Variants in VGF observed in about 807,000 individuals in gnomAD.
The protein encoded by VGF is neurosecretory protein VGF.
A neutral mutation model predicts 41.1 loss-of-function variants in VGF; 13 were observed. That is an observed-to-expected ratio of 0.32 (90% CI 0.21 to 0.50). The LOEUF is 0.50. VGF is among the 20% of genes least tolerant of loss of function. The probability of loss-of-function intolerance (pLI) is 0.98; values close to 1 mark genes in which losing one functional copy is unlikely to be tolerated. For synonymous variants in VGF, 473 were observed against 418.3 expected, an observed-to-expected ratio of 1.13 and a Z score of -1.60; for missense variants, 920 against 882.1, an observed-to-expected ratio of 1.04 and a Z score of -0.54.
chr7:101,165,066 G>A, intron 1 of VGF: 1 of 1,264,854 alleles, frequency 7.9e-7, no homozygotes, highest in Non-Finnish European at 9.9e-7. Context: ...AATAACCCCC[G>A]AAGCCCTCGC....
rs1584209145 is a variant in VGF at position 101,162,848 on chromosome 7, C to A, written c.*148G>T. 1.0e-5 allele frequency: 7 copies of A among 676,830 alleles called. No individual in the cohort carries two copies. Among genetic ancestry groups the A allele is most frequent in the African/African-American group, 5.4e-5 (3 of 55,132 alleles). 41.9% of individuals were successfully genotyped at this position (676,830 alleles called of 1,614,324 possible). A position where few individuals can be genotyped will look rare whatever the true frequency, so the allele number is the denominator to read the frequency against. On this transcript the variant is annotated 3_prime_UTR_variant, in exon 2 of 2. Transcript: ENST00000249330. The surrounding 1 kb of genome is among the most constrained non-coding windows in gnomAD (Gnocchi z 4.2). Reference sequence around the variant, plus strand: ...CTCAGGACCCGGGAGGGGGGTCTGGCAGGTCCCGACGCAGCCCGGGGACAG... The same window carrying A: ...CTCAGGACCCGGGAGGGGGGTCTGGAAGGTCCCGACGCAGCCCGGGGACAG...
upstream of VGF, among the ~76,000 whole-genome samples, chr7:101,166,470 G>A (rs1030715561): frequency 1.3e-5 from 2 of 150,600 alleles, no homozygotes; most frequent in Non-Finnish European, 3.0e-5. Flanking sequence ...CCCCAAGGAC[G>A]TTTGGAGGGC....
upstream of VGF, among the ~76,000 whole-genome samples, chr7:101,166,760 C>T (rs1031187142): frequency 1.0e-5 from 1 of 99,894 alleles, no homozygotes; most frequent in Non-Finnish European, 2.0e-5. Flanking sequence ...GAAGGGAGAC[C>T]AGCCGTGGGC....
intron 1 of VGF, chr7:101,165,173 C>G: frequency 9.5e-7 from 1 of 1,056,128 alleles, no homozygotes; most frequent in Non-Finnish European, 1.1e-6. Flanking sequence ...AATCTCTGCT[C>G]CCTCCCCGTA....
chr7:101,165,827 AG>A (rs2116711428), upstream of VGF, among the ~76,000 whole-genome samples: 1 of 152,306 alleles, frequency 6.6e-6, no homozygotes, highest in South Asian at 2.1e-4. Context: ...TGAAGCGGGC[AG>A]GGCGGGGGGC....
In VGF at chr7:101,163,949, G is replaced by T. The variant is rs116131136; in HGVS notation, c.895C>A (p.Gln299Lys). Residue 299 changes from glutamine (Q) to lysine (K), a missense_variant, in exon 2 of 2, where the codon CAA becomes AAA. By Grantham distance (53) the Gln-to-Lys change is moderately conservative. Coordinates refer to ENST00000249330, the MANE Select transcript of VGF (RefSeq NM_003378.4). This position sits in a 1 kb window ranked among gnomAD's most constrained non-coding sequence, Gnocchi z 5.0. ...CCGGCCTCCACCTGCGCCAGCCCTTGCTGGAGAAGGCGCTCGCCCGCCTCG... is the reference window on the plus strand; with the variant it reads ...CCGGCCTCCACCTGCGCCAGCCCTTTCTGGAGAAGGCGCTCGCCCGCCTCG... ...GSEAGERLLQQGLAQVEAGRR... is the reference protein window; with the variant it reads ...GSEAGERLLQKGLAQVEAGRR... The T allele has an allele frequency of 4.3e-3, 6,224 of 1,457,512 alleles. 631 individuals are homozygous for T. The Admixed American group carries it at 0.16, about 37-fold the overall frequency. The allele number at this position is 1,457,512 out of a possible 1,614,324, so 90.3% of individuals were successfully genotyped here.
chr7:101,168,261 G>C (rs543924345), upstream of VGF, among the ~76,000 whole-genome samples: 4 of 152,250 alleles, frequency 2.6e-5, no homozygotes, highest in South Asian at 8.3e-4. Flanking sequence ...GTCCTGTCGT[G>C]AGGGAGCGGG....
At chr7:101,168,316 A>G (rs115866220), upstream of VGF, among the ~76,000 whole-genome samples, 75 of 151,988 alleles carry the variant, frequency 4.9e-4, no homozygotes, top group African/African-American at 1.7e-3. Context: ...AGATTCCACA[A>G]TCTGGGTCTT....
At chr7:101,166,429 C>T (rs1210008042), upstream of VGF, among the ~76,000 whole-genome samples, 3 of 152,042 alleles carry the variant, frequency 2.0e-5, no homozygotes, top group East Asian at 5.8e-4. Flanking sequence ...CCCACACTCC[C>T]CCAGTCGCTT....
At position 101,162,895 on chromosome 7, in the gene VGF, C is replaced by T. The variant is rs756747525; in HGVS notation, c.*101G>A. 3.4e-5 allele frequency: 24 copies of T among 698,998 alleles called. No homozygotes were observed. Among genetic ancestry groups the T allele is most frequent in the African/African-American group, 1.3e-4 (7 of 52,420 alleles). The allele number at this position is 698,998 out of a possible 1,614,324, so 43.3% of individuals were successfully genotyped here. A position where few individuals can be genotyped will look rare whatever the true frequency, so the allele number is the denominator to read the frequency against. ...ACAGGGGCAGGGCCAAGGGGCAGGGCCGGGGCGCATGCAAACACCGAGGGG... is the reference window on the plus strand; with the variant it reads ...ACAGGGGCAGGGCCAAGGGGCAGGGTCGGGGCGCATGCAAACACCGAGGGG... On this transcript the variant is annotated 3_prime_UTR_variant, in exon 2 of 2. Coordinates refer to ENST00000249330, the MANE Select transcript of VGF (RefSeq NM_003378.4). The surrounding 1 kb of genome is among the most constrained non-coding windows in gnomAD (Gnocchi z 4.2).
Position 101,163,780 on chromosome 7 carries a change from G to A in VGF, c.1064C>T (p.Ala355Val), listed in dbSNP as rs1282814505. 9.2e-6 allele frequency: 14 copies of A among 1,529,498 alleles called. No individual in the cohort carries two copies. The highest frequency in any genetic ancestry group is 1.2e-5 in the Non-Finnish European group (14 of 1,142,100). The allele number at this position is 1,529,498 out of a possible 1,614,324, so 94.7% of individuals were successfully genotyped here. The change falls in exon 2 of 2, where the codon GCG (alanine) becomes GTG (valine). Residue 355 changes from alanine to valine, a missense_variant. By Grantham distance (64) the Ala-to-Val change is moderately conservative (BLOSUM62 0). This residue lies in a region of VGF where 654 missense variants were observed against 638.4 expected (regional missense o/e 1.02). Transcript: ENST00000249330. This position sits in a 1 kb window ranked among gnomAD's most constrained non-coding sequence, Gnocchi z 5.0. ...GLGGRGLQEAAEERESAREEE... is the reference protein window; with the variant it reads ...GLGGRGLQEAVEERESAREEE... ...CTCCCTTGCACTCTCTCGCTCCTCC[G>A]CCGCCTCCTGCAGCCCCCGACCCCC...
Position 101,162,690 on chromosome 7 carries a change from C to T in VGF, c.*306G>A, listed in dbSNP as rs1797125755. The T allele has an allele frequency of 7.3e-5, 37 of 507,846 alleles. No individual in the cohort carries two copies. The highest frequency in any genetic ancestry group is 6.1e-4 in the South Asian group (37 of 60,870). 31.5% of individuals were successfully genotyped at this position (507,846 alleles called of 1,614,324 possible). A position where few individuals can be genotyped will look rare whatever the true frequency, so the allele number is the denominator to read the frequency against. On this transcript the variant is annotated 3_prime_UTR_variant, in exon 2 of 2. Transcript: ENST00000249330. This position sits in a 1 kb window ranked among gnomAD's most constrained non-coding sequence, Gnocchi z 4.2. ...ACACAATTAACTGGAACTGCTTTTTCCGGTTTCCGACGGGGACGTCCCCAG... is the reference window on the plus strand; with the variant it reads ...ACACAATTAACTGGAACTGCTTTTTTCGGTTTCCGACGGGGACGTCCCCAG...
chr7:101,163,503 C>A lies in VGF; in HGVS notation c.1341G>T (p.Met447Ile), dbSNP rs1455987335. The A allele has an allele frequency of 6.2e-7, 1 of 1,612,430 alleles. No individual in the cohort carries two copies. Among genetic ancestry groups the A allele is most frequent in the East Asian group, 2.2e-5 (1 of 44,858 alleles). ...TGAGGCTGTCGATCGTCTGCGGATC[C>A]ATCTCCTCGTCGTCCTCCTCCTCCC... ...EGGEEEDDEE[M>I]DPQTIDSLIE... Residue 447 changes from methionine to isoleucine, a missense_variant, in exon 2 of 2, where the codon ATG becomes ATT. By Grantham distance (10) the Met-to-Ile change is conservative. Transcript: ENST00000249330. The surrounding 1 kb of genome is among the most constrained non-coding windows in gnomAD (Gnocchi z 5.0).
At position 101,162,924 on chromosome 7, in the gene VGF, C is replaced by T. The variant is rs1238754377; in HGVS notation, c.*72G>A. The T allele has an allele frequency of 8.5e-6, 6 of 709,998 alleles. No individual in the cohort carries two copies. Among genetic ancestry groups the T allele is most frequent in the Admixed American group, 4.4e-5 (1 of 22,734 alleles). The allele number at this position is 709,998 out of a possible 1,614,324, so 44.0% of individuals were successfully genotyped here. ...GGCGCATGCAAACACCGAGGGGGAG[C>T]GGGCAACACGGAGGGGGGCGCCGGC... On this transcript the variant is annotated 3_prime_UTR_variant, in exon 2 of 2. Transcript: ENST00000249330. This position sits in a 1 kb window ranked among gnomAD's most constrained non-coding sequence, Gnocchi z 4.2.
upstream of VGF, among the ~76,000 whole-genome samples, chr7:101,166,515 T>TTGG (rs139512138): frequency 3.8e-5 from 5 of 132,220 alleles, no homozygotes; most frequent in Non-Finnish European, 8.2e-5. Flanking sequence ...GTTGCGCAGG[T>TTGG]GGGGGGGGGG....
chr7:101,164,687 C>T lies in VGF; in HGVS notation c.157G>A (p.Asp53Asn), dbSNP rs1242064020. 1.9e-6 allele frequency: 3 copies of T among 1,602,554 alleles called. No homozygotes were observed. Among genetic ancestry groups the T allele is most frequent in the South Asian group, 1.1e-5 (1 of 89,944 alleles). The change falls in exon 2 of 2, where the codon GAT (aspartate) becomes AAT (asparagine). Residue 53 changes from aspartate (D) to asparagine (N), a missense_variant. Around this residue, in one of 3 missense-constraint regions of VGF, gnomAD observed 654 missense variants for 638.4 expected, o/e 1.02. Transcript: ENST00000249330. ...CCTCGGACCTCTGGGGCGCTGCCAT[C>T]CTTTGGCCCGGGCACTGCGTCCCCG... ...VAGDAVPGPK[D>N]GSAPEVRGAR...
chr7:101,163,849 A>G lies in VGF; in HGVS notation c.995T>C (p.Leu332Pro). ...CCCGCCCTGCAGCAAATACTGGAGC[A>G]GCAGGTCCGAGGCGAGGTCGGCCAG... ...ERLADLASDL[L>P]LQYLLQGGAR... Residue 332 changes from leucine to proline, a missense_variant, in exon 2 of 2, where the codon CTG becomes CCG. Around this residue, in one of 3 missense-constraint regions of VGF, gnomAD observed 654 missense variants for 638.4 expected, o/e 1.02. Transcript: ENST00000249330. The surrounding 1 kb of genome is among the most constrained non-coding windows in gnomAD (Gnocchi z 5.0). The G allele has an allele frequency of 6.6e-7, 1 of 1,520,738 alleles. No individual in the cohort carries two copies. The highest frequency in any genetic ancestry group is 8.8e-7 in the Non-Finnish European group (1 of 1,140,692). 94.2% of individuals were successfully genotyped at this position (1,520,738 alleles called of 1,614,324 possible).
upstream of VGF, among the ~76,000 whole-genome samples, chr7:101,168,466 G>T (rs745704784): frequency 1.2e-4 from 18 of 152,122 alleles, no homozygotes; most frequent in Non-Finnish European, 2.2e-4. Context: ...GCCTCTAGGG[G>T]CTTCTGGACT....
chr7:101,164,105 A>T lies in VGF; in HGVS notation c.739T>A (p.Phe247Ile). The part of the protein sequence containing the change: ...DSGPLPETHK[F>I]GEGVSSPKTH... ...TTGGGGGAGGACACTCCTTCCCCGAACTTGTGGGTTTCGGGAAGGGGCCCG... is the reference window on the plus strand; with the variant it reads ...TTGGGGGAGGACACTCCTTCCCCGATCTTGTGGGTTTCGGGAAGGGGCCCG... The change falls in exon 2 of 2, where the codon TTC (phenylalanine) becomes ATC (isoleucine). Residue 247 changes from phenylalanine to isoleucine, a missense_variant. Physicochemically the swap from Phe to Ile is conservative, Grantham distance 21. Coordinates refer to ENST00000249330, the MANE Select transcript of VGF (RefSeq NM_003378.4). 6.7e-7 allele frequency: 1 copy of T among 1,500,978 alleles called. No homozygotes were observed. Among genetic ancestry groups the T allele is most frequent in the Non-Finnish European group, 8.8e-7 (1 of 1,132,682 alleles). The allele number at this position is 1,500,978 out of a possible 1,614,324, so 93.0% of individuals were successfully genotyped here. A position where few individuals can be genotyped will look rare whatever the true frequency, so the allele number is the denominator to read the frequency against.
Sources: gnomAD v4.1 joint callset for allele counts (sites outside exome capture counted in the v4.1 genomes callset) on GRCh38, gnomAD v4.1.1 for gene constraint, gnomAD v4.1.1 regional missense constraint, Gnocchi (gnomAD v3.1) non-coding constraint, MANE v1.5 for transcripts, NCBI Gene and HGNC (gene_info 2026-07-23, HGNC 2026-07-21) for gene names.